EGLN1: variants seen among roughly 807,000 people sequenced by gnomAD.
EGLN1 encodes the protein egl-9 family hypoxia inducible factor 1.
A neutral mutation model predicts 38.3 loss-of-function variants in EGLN1; 17 were observed. That is an observed-to-expected ratio of 0.44 (90% CI 0.30 to 0.67). The LOEUF (loss-of-function observed/expected upper bound fraction) is 0.67. Ranked by LOEUF, EGLN1 falls within the 30% of genes least tolerant of loss-of-function variation. EGLN1 has a pLI of 0.08. For synonymous variants in EGLN1, 283 were observed against 257.5 expected (o/e 1.10, Z -0.95); for missense variants, 477 against 603.3 (o/e 0.79, Z 2.19).
At position 231,366,070 on chromosome 1, in the gene EGLN1, GGA is replaced by G; in HGVS notation, c.*339_*340del. 7.2e-6 allele frequency: 2 copies of G among 277,516 alleles called. No individual in the cohort carries two copies. Among genetic ancestry groups the G allele is most frequent in the East Asian group, 7.5e-5 (1 of 13,288 alleles). The allele number at this position is 277,516 out of a possible 1,614,324, so 17.2% of individuals were successfully genotyped here. On this transcript the variant is annotated 3_prime_UTR_variant, in exon 5 of 5. Transcript: ENST00000366641. ...CAAATTCAAACTTGATATAAAAAAGGGAGAGATGAAATGAACTCAGCTAGATA... is the reference window on the plus strand; with the variant it reads ...CAAATTCAAACTTGATATAAAAAAGGGAGATGAAATGAACTCAGCTAGATA...
At position 231,421,399 on chromosome 1, in the gene EGLN1, G is replaced by T. The variant is rs1407678909; in HGVS notation, c.490C>A (p.Pro164Thr). Residue 164 changes from proline (P) to threonine (T), a missense_variant, in exon 1 of 5, where the codon CCC becomes ACC. Transcript: ENST00000366641. The surrounding 1 kb of genome is among the most constrained non-coding windows in gnomAD (Gnocchi z 5.5). ...GCATCCCCGGGCGTGTTGCTTGGGG[G>T]GTACAGGTTCGCCTTCTCCTGGAAC... Reference protein sequence around the residue: ...SLFQEKANLYPPSNTPGDALS... With the variant: ...SLFQEKANLYTPSNTPGDALS... 2.5e-6 allele frequency: 4 copies of T among 1,600,582 alleles called. No individual in the cohort carries two copies. The highest frequency in any genetic ancestry group is 2.6e-6 in the Non-Finnish European group (3 of 1,171,902).
At chr1:231,378,608 T>A (rs1688012191) in intron 1 of EGLN1, among the ~76,000 whole-genome samples, 1 of 152,148 alleles carries the variant, frequency 6.6e-6, no homozygotes, top group African/African-American at 2.4e-5. Flanking sequence ...TTGAGAATGT[T>A]CTTAAGATAG....
chr1:231,375,013 G>T, intron 1 of EGLN1, among the ~76,000 whole-genome samples: 1 of 110,960 alleles, frequency 9.0e-6, no homozygotes, highest in East Asian at 2.7e-4. Flanking sequence ...AAATTCTCAG[G>T]AATTATGAAG....
intron 1 of EGLN1, among the ~76,000 whole-genome samples, chr1:231,375,677 G>A (rs1687940066): frequency 1.3e-5 from 2 of 152,132 alleles, no homozygotes; most frequent in African/African-American, 4.8e-5. Context: ...ACTGGAGGTT[G>A]GTAACAACCA....
intron 1 of EGLN1, among the ~76,000 whole-genome samples, chr1:231,412,169 T>C (rs943655491): frequency 1.3e-5 from 2 of 151,978 alleles, no homozygotes; most frequent in African/African-American, 4.8e-5. Flanking sequence ...ACAACACTGA[T>C]ATCTTCACAG....
At chr1:231,406,962 T>A (rs1031220631) in intron 1 of EGLN1, among the ~76,000 whole-genome samples, 1 of 152,168 alleles carries the variant, frequency 6.6e-6, no homozygotes, top group Non-Finnish European at 1.5e-5. Context: ...ATACTTTGGG[T>A]TGTAACCACC....
intron 1 of EGLN1, among the ~76,000 whole-genome samples, chr1:231,388,694 G>C (rs1688293283): frequency 6.6e-6 from 1 of 151,836 alleles, no homozygotes; most frequent in South Asian, 2.1e-4. Context: ...TCTCTCTGTC[G>C]CCCAGGCTGA....
At chr1:231,390,434 C>T (rs1166718445) in intron 1 of EGLN1, among the ~76,000 whole-genome samples, 1 of 152,198 alleles carries the variant, frequency 6.6e-6, no homozygotes, top group Non-Finnish European at 1.5e-5. Context: ...TCTCAATCCT[C>T]ACCACAACTG....
chr1:231,366,319 CTA>C lies in EGLN1; in HGVS notation c.*90_*91del. ...CCTTATTAAAATGCGAACTGGTTGT[CTA>C]TTTTTCTTTATCCCATTTATTCGTA... On this transcript the variant is annotated 3_prime_UTR_variant, in exon 5 of 5. Transcript: ENST00000366641. 7.1e-7 allele frequency: 1 copy of C among 1,408,346 alleles called. No individual in the cohort carries two copies. The highest frequency in any genetic ancestry group is 1.0e-6 in the Non-Finnish European group (1 of 1,001,112). The allele number at this position is 1,408,346 out of a possible 1,614,324, so 87.2% of individuals were successfully genotyped here.
At chr1:231,416,642 A>G (rs1689090374) in intron 1 of EGLN1, among the ~76,000 whole-genome samples, 1 of 152,158 alleles carries the variant, frequency 6.6e-6, no homozygotes, top group Non-Finnish European at 1.5e-5. Context: ...CTGGGATTAT[A>G]GGCGTGAGCC....
rs1438712181 is a variant in EGLN1, at chr1:231,421,443, G to A, written c.446C>T (p.Pro149Leu). ...AAEAEPGKEE[P>L]PARSSLFQEK... ...CTGGAACAGCGATGAGCGGGCCGGC[G>A]GCTCCTCCTTGCCGGGCTCGGCTTC... The change falls in exon 1 of 5, where the codon CCG becomes CTG. Residue 149 changes from proline to leucine, a missense_variant. Coordinates refer to ENST00000366641, the MANE Select transcript of EGLN1 (RefSeq NM_022051.3). The surrounding 1 kb of genome is among the most constrained non-coding windows in gnomAD (Gnocchi z 5.5). The A allele has an allele frequency of 2.0e-6, 3 of 1,521,656 alleles. No individual in the cohort carries two copies. The highest frequency in any genetic ancestry group is 2.8e-5 in the African/African-American group (2 of 72,144). 94.3% of individuals were successfully genotyped at this position (1,521,656 alleles called of 1,614,324 possible).
At chr1:231,411,568 G>A (rs550782422) in intron 1 of EGLN1, among the ~76,000 whole-genome samples, 8 of 152,068 alleles carry the variant, frequency 5.3e-5, no homozygotes, top group Non-Finnish European at 1.0e-4. Context: ...CAGCTTCCTG[G>A]GTTCTGGAGT....
intron 1 of EGLN1, among the ~76,000 whole-genome samples, chr1:231,402,855 G>GA (rs1331994920): frequency 2.1e-4 from 28 of 131,962 alleles, no homozygotes; most frequent in South Asian, 7.1e-4. Flanking sequence ...ATTTACAGAA[G>GA]AAAAAAAAAA....
chr1:231,414,144 G>A (rs765181069), intron 1 of EGLN1, among the ~76,000 whole-genome samples: 6 of 152,106 alleles, frequency 3.9e-5, no homozygotes, highest in Non-Finnish European at 7.4e-5. Flanking sequence ...TTATCTGAAT[G>A]CCATCATGTA....
At chr1:231,396,039 G>A (rs1076803) in intron 1 of EGLN1, among the ~76,000 whole-genome samples, 77,426 of 139,550 alleles carry the variant, frequency 0.55, 22,239 homozygotes, top group Non-Finnish European at 0.66. Context: ...CCTTTAAAAA[G>A]AAAAAAAAAA....
chr1:231,366,620 A>C (rs1687655080), intron 4 of EGLN1, 145 bp from the exon 5 acceptor site: 1 of 808,682 alleles, frequency 1.2e-6, no homozygotes, highest in African/African-American at 1.7e-5. Flanking sequence ...TTGTACTTCC[A>C]AAAACTTCCC....
intron 1 of EGLN1, among the ~76,000 whole-genome samples, chr1:231,401,033 A>G (rs560672635): frequency 6.6e-6 from 1 of 152,266 alleles, no homozygotes; most frequent in South Asian, 2.1e-4. Context: ...CCTGGGCAAC[A>G]GAGTGAGACC....
At chr1:231,414,838 C>T (rs1689035809) in intron 1 of EGLN1, among the ~76,000 whole-genome samples, 2 of 150,628 alleles carry the variant, frequency 1.3e-5, no homozygotes, top group South Asian at 2.1e-4. Context: ...CAGGCTCAAG[C>T]GATCCTCCCA....
intron 3 of EGLN1, among the ~76,000 whole-genome samples, chr1:231,367,838 T>C (rs151318302): frequency 6.6e-6 from 1 of 152,306 alleles, no homozygotes; most frequent in East Asian, 1.9e-4. Flanking sequence ...TTTTGTGACT[T>C]TCTTAATACT....
Sources: gnomAD v4.1 joint callset for allele counts (sites outside exome capture counted in the v4.1 genomes callset) on GRCh38, gnomAD v4.1.1 for gene constraint, Gnocchi (gnomAD v3.1) non-coding constraint, MANE v1.5 for transcripts, NCBI Gene and HGNC (gene_info 2026-07-23, HGNC 2026-07-21) for gene names.